The following TRPM6 variants were observed in gnomAD, a reference collection of about 807,000 sequenced individuals.
The protein encoded by TRPM6 is channel kinase 2.
In TRPM6, 111 loss-of-function variants were observed where a neutral mutation model predicts 247.6. That is an observed-to-expected ratio of 0.45 (90% CI 0.38 to 0.52). The LOEUF is 0.52. Ranked by LOEUF, TRPM6 falls within the 20% of genes least tolerant of loss-of-function variation. The pLI is 0.00. For missense variants in TRPM6, 2,126 were observed against 2,421.5 expected (o/e 0.88, Z 2.56); for synonymous variants, 892 against 853.8 (o/e 1.04, Z -0.78).
chr9:74,829,486 C>A (rs1267151844), intron 6 of TRPM6, among the ~76,000 whole-genome samples: 1 of 152,154 alleles, frequency 6.6e-6, no homozygotes, highest in Non-Finnish European at 1.5e-5. Context: ...CTTCTACTTA[C>A]TAACCTTAAC....
chr9:74,831,624 G>A (rs1326935466), intron 6 of TRPM6, among the ~76,000 whole-genome samples: 1 of 152,148 alleles, frequency 6.6e-6, no homozygotes, highest in Non-Finnish European at 1.5e-5. Flanking sequence ...ATAGACAATG[G>A]AATTGTATGA....
intron 24 of TRPM6, 51 bp downstream of exon 24, chr9:74,775,832 T>C: frequency 6.3e-7 from 1 of 1,595,214 alleles, no homozygotes; most frequent in Non-Finnish European, 8.6e-7. Context: ...CATCTTTGCC[T>C]TGAATCCTAC....
chr9:74,847,577 C>T (rs992143596), intron 3 of TRPM6, among the ~76,000 whole-genome samples: 2 of 151,974 alleles, frequency 1.3e-5, no homozygotes, highest in Non-Finnish European at 2.9e-5. Flanking sequence ...TACAACCCCC[C>T]ACTGCTAAAT....
chr9:74,738,460 G>C lies in TRPM6; in HGVS notation c.5723C>G (p.Ser1908Cys), dbSNP rs1371979261. 1.2e-6 allele frequency: 2 copies of C among 1,614,020 alleles called. No individual in the cohort carries two copies. The highest frequency in any genetic ancestry group is 4.5e-5 in the East Asian group (2 of 44,886). Residue 1908 changes from serine to cysteine, a missense_variant, in exon 36 of 39, where the codon TCT (serine) becomes TGT (cysteine). Ser to Cys is a moderately radical substitution (Grantham distance 112). Transcript: ENST00000360774. ...NTLEELMLAF[S>C]HWTYEYTRGE... ...CCGAGTGTACTCATAGGTCCAGTGA[G>C]AGAAAGCCAACATCAGCTCCTCCAG...
chr9:74,878,991 C>CA (rs1202828688), intron 1 of TRPM6, among the ~76,000 whole-genome samples: 2 of 150,960 alleles, frequency 1.3e-5, no homozygotes, highest in Non-Finnish European at 1.5e-5. Flanking sequence ...AACCTCATCT[C>CA]AAAAAAAATT....
chr9:74,851,759 A>ATAT lies in TRPM6; in HGVS notation c.152+3767_152+3768insATA, dbSNP rs375349333. Among the ~76,000 whole-genome samples, 279 of 114,124 alleles carry ATAT rather than the reference A, an allele frequency of 2.4e-3. 3 individuals carry two copies. Among genetic ancestry groups the ATAT allele is most frequent in the African/African-American group, 7.3e-3 (271 of 37,204 alleles). 74.9% of individuals were successfully genotyped at this position (114,124 alleles called of 152,430 possible). A position where few individuals can be genotyped will look rare whatever the true frequency, so the allele number is the denominator to read the frequency against. On this transcript the variant is annotated intron_variant, in intron 3 of 38. Coordinates refer to ENST00000360774, the MANE Select transcript of TRPM6 (RefSeq NM_017662.5). ...GCTAGACTTTGTCTCAAAAAAAAAA[A>ATAT]AAAAATATATATATATAATACATAT...
intron 3 of TRPM6, among the ~76,000 whole-genome samples, chr9:74,844,658 C>T (rs1753673630): frequency 1.3e-5 from 2 of 152,192 alleles, no homozygotes; most frequent in Admixed American, 6.5e-5. Context: ...ACCACTCAAA[C>T]TTTCTTCATA....
At chr9:74,777,432 G>C (rs1021926277) in intron 23 of TRPM6, among the ~76,000 whole-genome samples, 9 of 152,150 alleles carry the variant, frequency 5.9e-5, no homozygotes, top group Admixed American at 2.0e-4. Flanking sequence ...TGTCCTATGC[G>C]AGGATTTCTC....
At chr9:74,749,226 A>G (rs62569671) in intron 30 of TRPM6, among the ~76,000 whole-genome samples, 18,366 of 152,224 alleles carry the variant, frequency 0.12, 1,515 homozygotes, top group Admixed American at 0.22. Flanking sequence ...CCTGTCGTTA[A>G]TTGATGCATG....
At chr9:74,788,822 AC>A in intron 19 of TRPM6, 80 bp from the exon 20 acceptor site, 1 of 1,553,184 alleles carries the variant, frequency 6.4e-7, no homozygotes, top group Non-Finnish European at 8.8e-7. Context: ...TGGAGCAGAA[AC>A]CCAGGCATGA....
rs76651464 is a variant in TRPM6 at position 74,870,379 on chromosome 9, G to C, written c.34-11631C>G. Among the ~76,000 whole-genome samples the C allele has an allele frequency of 4.1e-3, 617 of 152,174 alleles. 1 individual carries two copies. The highest frequency in any genetic ancestry group is 0.014 in the African/African-American group (593 of 41,516). ...ATCTACACTAAGGGAATAGGAGTTT[G>C]GGATAAAGGATAAGAGTAAATGTAA... On this transcript the variant is annotated intron_variant, in intron 1 of 38. Coordinates refer to ENST00000360774, the MANE Select transcript of TRPM6 (RefSeq NM_017662.5).
At chr9:74,785,822 T>G (rs1827639796) in intron 21 of TRPM6, 52 bp downstream of exon 21, 1 of 1,610,608 alleles carries the variant, frequency 6.2e-7, no homozygotes, top group African/African-American at 1.3e-5. Flanking sequence ...CACACCTGGC[T>G]AAAAATAATT....
chr9:74,727,381 C>CAAA (rs763828073), intron 38 of TRPM6, among the ~76,000 whole-genome samples: 13 of 52,158 alleles, frequency 2.5e-4, no homozygotes, highest in South Asian at 7.1e-4. Flanking sequence ...GACTCCGTCT[C>CAAA]AAAAAAAAAA....
rs1291575531 is a variant in TRPM6 at position 74,842,324 on chromosome 9, T to A, written c.172A>T (p.Ile58Phe). 3 of 1,614,064 alleles carry A rather than the reference T, an allele frequency of 1.9e-6. 1 individual carries two copies. The South Asian group carries it at 3.3e-5, about 18-fold the overall frequency. ...TAATCTATCCCAGCATGGTCTCCAATCAGTCGGCCACAGTAACACCTTAAA... is the reference window on the plus strand; with the variant it reads ...TAATCTATCCCAGCATGGTCTCCAAACAGTCGGCCACAGTAACACCTTAAA... ...NLIRCYCGRL[I>F]GDHAGIDYSW... The change falls in exon 4 of 39, where the codon ATT becomes TTT. Residue 58 changes from isoleucine to phenylalanine, a missense_variant. Ile to Phe is a conservative substitution (Grantham distance 21). This residue lies in a region of TRPM6 where 1,082 missense variants were observed against 1,307.9 expected (regional missense o/e 0.83). Transcript: ENST00000360774.
Position 74,821,721 on chromosome 9 carries a change from C to A in TRPM6, c.958G>T (p.Gly320Cys), listed in dbSNP as rs1056297885. ...KDPVVVCEGTGRAADLLAFTH... is the reference protein window; with the variant it reads ...KDPVVVCEGTCRAADLLAFTH... ...AAGGCCAGGAGGTCAGCCGCCCTACCTGTGCCCTCACACACCACCACTGGG... is the reference window on the plus strand; with the variant it reads ...AAGGCCAGGAGGTCAGCCGCCCTACATGTGCCCTCACACACCACCACTGGG... Residue 320 changes from glycine (G) to cysteine (C), a missense_variant, in exon 8 of 39, where the codon GGT (glycine) becomes TGT (cysteine). Gly to Cys is a radical substitution (Grantham distance 159). Coordinates refer to ENST00000360774, the MANE Select transcript of TRPM6 (RefSeq NM_017662.5). 1 of 1,614,110 alleles carries A rather than the reference C, an allele frequency of 6.2e-7. No individual in the cohort carries two copies. The highest frequency in any genetic ancestry group is 1.3e-5 in the African/African-American group (1 of 74,942).
chr9:74,739,010 C>T (rs549607466), intron 35 of TRPM6, among the ~76,000 whole-genome samples: 3 of 152,314 alleles, frequency 2.0e-5, no homozygotes, highest in African/African-American at 7.2e-5. Flanking sequence ...AAAATTCCTA[C>T]TTTCTATAAG....
chr9:74,736,589 G>A (rs1233096698), intron 36 of TRPM6, among the ~76,000 whole-genome samples: 3 of 152,136 alleles, frequency 2.0e-5, no homozygotes, highest in African/African-American at 7.2e-5. Flanking sequence ...TACTATTATA[G>A]GATTCACATT....
At chr9:74,801,684 C>G (rs1828343529) in intron 16 of TRPM6, among the ~76,000 whole-genome samples, 1 of 152,172 alleles carries the variant, frequency 6.6e-6, no homozygotes, top group Admixed American at 6.5e-5. Context: ...AACAGCTGGA[C>G]TAGAACCCAA....
intron 25 of TRPM6, among the ~76,000 whole-genome samples, chr9:74,771,464 G>A (rs1827038273): frequency 6.6e-6 from 1 of 152,160 alleles, no homozygotes; most frequent in Non-Finnish European, 1.5e-5. Flanking sequence ...AGTCCCATGA[G>A]GACAAGGATT....
Sources: allele counts gnomAD v4.1 joint callset (sites outside exome capture counted in the v4.1 genomes callset), GRCh38; gene constraint gnomAD v4.1.1; regional missense constraint gnomAD v4.1.1; transcripts MANE v1.5; gene names NCBI Gene and HGNC (gene_info 2026-07-23, HGNC 2026-07-21).